The following WFDC1 variants were observed in gnomAD, a reference collection of about 807,000 sequenced individuals.
WFDC1 encodes the protein WAP four-disulfide core domain protein 1.
A neutral mutation model predicts 32.9 loss-of-function variants in WFDC1; 39 were observed. That is an observed-to-expected ratio of 1.19 (90% CI 0.92 to 1.55). The LOEUF (loss-of-function observed/expected upper bound fraction) is 1.55. WFDC1 is among the 40% of genes most tolerant of loss of function. The probability of loss-of-function intolerance (pLI) is 0.00; values close to 1 mark genes in which losing one functional copy is unlikely to be tolerated. For missense variants in WFDC1, 386 were observed against 309.5 expected (o/e 1.25, Z -1.85); for synonymous variants, 184 against 137.4 (o/e 1.34, Z -2.37).
At chr16:84,318,476 A>G in intron 3 of WFDC1, 121 bp downstream of exon 3, 2 of 909,378 alleles carry the variant, frequency 2.2e-6, no homozygotes, top group Admixed American at 4.1e-5. Flanking sequence ...TCAGCCAAAC[A>G]CTCAGCCCTC....
At chr16:84,304,692 G>C (rs115712944) in intron 1 of WFDC1, among the ~76,000 whole-genome samples, 10,742 of 152,236 alleles carry the variant, frequency 0.071, 1,179 homozygotes, top group African/African-American at 0.24. Context: ...GGGGTTTTCA[G>C]GAAGGTGTCG....
At chr16:84,322,514 G>C (rs1908367494) in intron 4 of WFDC1, among the ~76,000 whole-genome samples, 1 of 152,132 alleles carries the variant, frequency 6.6e-6, no homozygotes, top group Non-Finnish European at 1.5e-5. Context: ...AGATTCACCA[G>C]TTGTTAAAAA....
intron 3 of WFDC1, chr16:84,318,850 G>A (rs113993792): frequency 1.9e-5 from 4 of 213,584 alleles, no homozygotes; most frequent in South Asian, 8.3e-5. Flanking sequence ...GACTGTGTCC[G>A]CTAGAGTGTG....
intron 1 of WFDC1, among the ~76,000 whole-genome samples, chr16:84,302,172 C>T (rs778686596): frequency 1.3e-5 from 2 of 151,632 alleles, no homozygotes; most frequent in Admixed American, 6.6e-5. Flanking sequence ...TCCAGCGGGA[C>T]GGGAAGGAGA....
At chr16:84,321,779 A>C (rs1020197086) in intron 4 of WFDC1, among the ~76,000 whole-genome samples, 2 of 152,230 alleles carry the variant, frequency 1.3e-5, no homozygotes, top group Non-Finnish European at 2.9e-5. Flanking sequence ...TAGAACCAGG[A>C]GGCAGTGCTG....
intron 1 of WFDC1, among the ~76,000 whole-genome samples, chr16:84,297,338 C>A (rs889440172): frequency 1.3e-5 from 2 of 152,204 alleles, no homozygotes; most frequent in African/African-American, 4.8e-5. Context: ...ACTGTGCCAG[C>A]CAGGCACGGT....
At position 84,322,145 on chromosome 16, in the gene WFDC1, CTGTGTGTGTGTGTGCGTGTGTGTG is replaced by C. The variant is rs1404490024; in HGVS notation, c.563-2259_563-2236del. The stretch of plus-strand genomic sequence containing the variant: ...CAAGACTGTCCACCAGCCTCAGAGC[CTGTGTGTGTGTGTGCGTGTGTGTG>C]TGTGTGTGTGTGTGTGTGTGTGAGC... On this transcript the variant is annotated intron_variant, in intron 4 of 6. Transcript: ENST00000219454. Among the ~76,000 whole-genome samples the C allele has an allele frequency of 8.2e-5, 9 of 109,324 alleles. No individual in the cohort carries two copies. The South Asian group carries it at 1.9e-3, about 23-fold the overall frequency. The allele number at this position is 109,324 out of a possible 152,430, so 71.7% of individuals were successfully genotyped here.
rs1401594282 is a variant in WFDC1, at chr16:84,312,893, C to G, written c.145-68C>G. 7 of 1,035,394 alleles carry G rather than the reference C, an allele frequency of 6.8e-6. No homozygotes were observed. The African/African-American group carries it at 8.5e-5, about 13-fold the overall frequency. 64.1% of individuals were successfully genotyped at this position (1,035,394 alleles called of 1,614,324 possible). ...GCCCGGCGCACTGCCCACCCCCTTG[C>G]AAGCTCCGGGTGGCGCCGGGACTCG... On this transcript the variant is annotated intron_variant, in intron 1 of 6. Coordinates refer to ENST00000219454, the MANE Select transcript of WFDC1 (RefSeq NM_021197.4).
chr16:84,320,810 T>C (rs917532312), intron 4 of WFDC1, among the ~76,000 whole-genome samples: 1 of 152,202 alleles, frequency 6.6e-6, no homozygotes, highest in Non-Finnish European at 1.5e-5. Flanking sequence ...TTGGTGATAA[T>C]TACAGTGACC....
intron 2 of WFDC1, among the ~76,000 whole-genome samples, chr16:84,314,638 G>A (rs559727959): frequency 2.0e-5 from 3 of 152,196 alleles, no homozygotes; most frequent in African/African-American, 7.2e-5. Context: ...GTCTTATAAT[G>A]CTCATCAAGA....
At chr16:84,299,664 A>G (rs1305287515) in intron 1 of WFDC1, among the ~76,000 whole-genome samples, 1 of 152,226 alleles carries the variant, frequency 6.6e-6, no homozygotes, top group Admixed American at 6.5e-5. Flanking sequence ...GGCAGCCACC[A>G]TGCGGGCCTC....
chr16:84,312,695 T>C (rs1907704386), intron 1 of WFDC1, among the ~76,000 whole-genome samples: 1 of 152,136 alleles, frequency 6.6e-6, no homozygotes, highest in African/African-American at 2.4e-5. Context: ...CTTAAGTAAT[T>C]GTCCTTCAGC....
intron 1 of WFDC1, among the ~76,000 whole-genome samples, chr16:84,312,284 C>T (rs977113144): frequency 6.6e-6 from 1 of 152,180 alleles, no homozygotes; most frequent in African/African-American, 2.4e-5. Context: ...GACCAAGAAA[C>T]AGAACAGAGC....
chr16:84,302,345 G>T (rs1906991438), intron 1 of WFDC1, among the ~76,000 whole-genome samples: 1 of 152,148 alleles, frequency 6.6e-6, no homozygotes, highest in South Asian at 2.1e-4. Flanking sequence ...ACTTAAGATG[G>T]CTGAAATGGA....
At position 84,300,754 on chromosome 16, in the gene WFDC1, G is replaced by A. The variant is rs188680609; in HGVS notation, c.144+5639G>A. The stretch of plus-strand genomic sequence containing the variant: ...GGAGGCCGAGGTGGGCGGATCACCC[G>A]AGGTCAGGAGTTCGAGACCAGCCTG... On this transcript the variant is annotated intron_variant, in intron 1 of 6. Coordinates refer to ENST00000219454, the MANE Select transcript of WFDC1 (RefSeq NM_021197.4). Among the ~76,000 whole-genome samples, 1,287 of 152,270 alleles carry A rather than the reference G, an allele frequency of 8.5e-3. 19 individuals carry two copies. The highest frequency in any genetic ancestry group is 0.029 in the African/African-American group (1,220 of 41,566).
intron 5 of WFDC1, chr16:84,325,598 T>C (rs2151380778): frequency 6.6e-6 from 1 of 150,970 alleles, no homozygotes; most frequent in Non-Finnish European, 1.5e-5. Flanking sequence ...ACCCACCCAT[T>C]CATCTATCCA....
At chr16:84,323,718 G>A (rs1908431549) in intron 4 of WFDC1, among the ~76,000 whole-genome samples, 1 of 152,224 alleles carries the variant, frequency 6.6e-6, no homozygotes, top group African/African-American at 2.4e-5. Flanking sequence ...ACATCAGAGT[G>A]TCTCTTGGGC....
intron 3 of WFDC1, 51 bp from the exon 4 acceptor site, chr16:84,319,380 A>C: frequency 4.4e-6 from 7 of 1,592,374 alleles, no homozygotes; most frequent in Non-Finnish European, 6.0e-6. Flanking sequence ...TAGCATGTGC[A>C]CCTGTCCTGG....
rs1247814060 is a variant in WFDC1, at chr16:84,295,331, C to G, written c.144+216C>G. The G allele has an allele frequency of 1.1e-5, 6 of 569,652 alleles. No individual in the cohort carries two copies. The East Asian group carries it at 1.8e-4, about 17-fold the overall frequency. The allele number at this position is 569,652 out of a possible 1,614,324, so 35.3% of individuals were successfully genotyped here. ...TATCTGTGAATCAAGAGGCAAAAGACACATCACAAATGTGCCAAAGAATCG... is the reference window on the plus strand; with the variant it reads ...TATCTGTGAATCAAGAGGCAAAAGAGACATCACAAATGTGCCAAAGAATCG... On this transcript the variant is annotated intron_variant, in intron 1 of 6. Coordinates refer to ENST00000219454, the MANE Select transcript of WFDC1 (RefSeq NM_021197.4).
Sources: gnomAD v4.1 joint callset for allele counts (sites outside exome capture counted in the v4.1 genomes callset) on GRCh38, gnomAD v4.1.1 for gene constraint, MANE v1.5 for transcripts, NCBI Gene and HGNC (gene_info 2026-07-23, HGNC 2026-07-21) for gene names.